The following DTL variants were observed in gnomAD, a reference collection of about 807,000 sequenced individuals.
The protein encoded by DTL is denticleless protein homolog.
DTL carries 46 observed loss-of-function variants against 87.0 expected under a neutral mutation model. That is an observed-to-expected ratio of 0.53 (90% confidence interval 0.42 to 0.68). The LOEUF (loss-of-function observed/expected upper bound fraction) is 0.68, where lower values mean the gene tolerates loss of function less well. Ranked by LOEUF, DTL falls within the 30% of genes least tolerant of loss-of-function variation. DTL has a pLI of 0.00. For missense variants in DTL, 737 were observed against 869.4 expected, an observed-to-expected ratio of 0.85 and a Z score of 1.91; for synonymous variants, 308 against 311.2, an observed-to-expected ratio of 0.99 and a Z score of 0.11.
At chr1:212,091,651 C>T (rs1211904917) in intron 13 of DTL, among the ~76,000 whole-genome samples, 1 of 152,082 alleles carries the variant, frequency 6.6e-6, no homozygotes, top group Non-Finnish European at 1.5e-5. Flanking sequence ...CAGGGATGAA[C>T]CTGAAAGACA....
chr1:212,096,000 G>A (rs950849726), intron 13 of DTL, among the ~76,000 whole-genome samples: 1 of 152,050 alleles, frequency 6.6e-6, no homozygotes, highest in Non-Finnish European at 1.5e-5. Flanking sequence ...ATCTGGTCCT[G>A]GACTTTTTCT....
intron 8 of DTL, among the ~76,000 whole-genome samples, chr1:212,067,433 G>C (rs1039347022): frequency 6.6e-6 from 1 of 152,142 alleles, no homozygotes; most frequent in African/African-American, 2.4e-5. Context: ...CTTGTTGATT[G>C]TGTTGTAGAA....
chr1:212,090,529 T>C (rs1482885284), intron 13 of DTL, among the ~76,000 whole-genome samples: 1 of 152,190 alleles, frequency 6.6e-6, no homozygotes, highest in East Asian at 1.9e-4. Context: ...ATTTCAGCAA[T>C]CTAGAAAGCT....
At chr1:212,069,692 C>G (rs902300427) in intron 10 of DTL, among the ~76,000 whole-genome samples, 2 of 151,814 alleles carry the variant, frequency 1.3e-5, no homozygotes, top group African/African-American at 4.8e-5. Context: ...ATTACAGGCG[C>G]CCGCCACCAT....
intron 13 of DTL, among the ~76,000 whole-genome samples, chr1:212,096,343 G>T (rs1655450631): frequency 8.4e-6 from 1 of 119,212 alleles, no homozygotes; most frequent in Non-Finnish European, 1.8e-5. Context: ...TTTATCTTTT[G>T]TATTTTGTTG....
intron 9 of DTL, 24 bp from the exon 10 acceptor site, chr1:212,068,575 C>A: frequency 6.8e-7 from 1 of 1,473,898 alleles, no homozygotes; most frequent in South Asian, 1.1e-5. Flanking sequence ...TCAGGACGTG[C>A]TAACTTAAGT....
intron 12 of DTL, 97 bp downstream of exon 12, chr1:212,078,359 T>G (rs140356595): frequency 2.2e-5 from 17 of 788,614 alleles, no homozygotes; most frequent in Middle Eastern, 2.5e-4. Flanking sequence ...ATTTTTATGT[T>G]TAAGTTGAGA....
At chr1:212,097,044 G>A (rs79191991) in intron 13 of DTL, among the ~76,000 whole-genome samples, 1,595 of 152,240 alleles carry the variant, frequency 0.01, 21 homozygotes, top group African/African-American at 0.036. Flanking sequence ...ATGCTGGCTT[G>A]GTAGTGGCAA....
intron 13 of DTL, among the ~76,000 whole-genome samples, chr1:212,095,112 A>G (rs1237414468): frequency 6.6e-6 from 1 of 152,106 alleles, no homozygotes; most frequent in Non-Finnish European, 1.5e-5. Context: ...GTGGCTGGCT[A>G]GGGCTTCCAC....
At chr1:212,064,855 A>G in intron 6 of DTL, 62 bp from the exon 7 acceptor site, 4 of 1,327,550 alleles carry the variant, frequency 3.0e-6, no homozygotes, top group Non-Finnish European at 4.3e-6. Flanking sequence ...AGTTTTATTT[A>G]CACATGTTAT....
chr1:212,036,480 A>G (rs1348279916), intron 1 of DTL, among the ~76,000 whole-genome samples: 3 of 152,188 alleles, frequency 2.0e-5, no homozygotes, highest in Non-Finnish European at 4.4e-5. Context: ...AATTTAAATT[A>G]TAGAGTGAAA....
chr1:212,100,973 C>G lies in DTL; in HGVS notation c.1983C>G (p.Asn661Lys). 1 of 1,614,138 alleles carries G rather than the reference C, an allele frequency of 6.2e-7. No homozygotes were observed. The highest frequency in any genetic ancestry group is 8.5e-7 in the Non-Finnish European group (1 of 1,180,012). The change falls in exon 14 of 15, where the codon AAC becomes AAG. Residue 661 changes from asparagine to lysine, a missense_variant. Physicochemically the swap from Asn to Lys is moderately conservative, Grantham distance 94. Transcript: ENST00000366991. ...AGAATAGTTCCCCAGAGAATAAAAA[C>G]TGGTTGTTGGCCATGGCAGCCAAAC... ...GKENSSPENK[N>K]WLLAMAAKRK... is the part of the protein sequence containing the mutation.
intron 13 of DTL, among the ~76,000 whole-genome samples, chr1:212,091,910 A>G (rs1305548251): frequency 2.0e-5 from 3 of 152,252 alleles, no homozygotes; most frequent in Non-Finnish European, 4.4e-5. Flanking sequence ...ACACAATAAA[A>G]ATAAATTTGC....
chr1:212,060,197 A>T (rs1668300603), intron 5 of DTL, among the ~76,000 whole-genome samples: 1 of 152,244 alleles, frequency 6.6e-6, no homozygotes, highest in Admixed American at 6.5e-5. Flanking sequence ...GGAGCCAAAA[A>T]GAACCCAAAT....
intron 6 of DTL, among the ~76,000 whole-genome samples, chr1:212,064,450 A>G (rs908279637): frequency 6.6e-6 from 1 of 152,214 alleles, no homozygotes; most frequent in Admixed American, 6.5e-5. Context: ...ACAAATGTGT[A>G]ATGACGTGCG....
chr1:212,052,882 GT>G (rs900199402), intron 5 of DTL, among the ~76,000 whole-genome samples: 3 of 151,884 alleles, frequency 2.0e-5, no homozygotes, highest in Non-Finnish European at 4.4e-5. Flanking sequence ...CGGTTTAGTG[GT>G]TTTTAGTTTA....
chr1:212,052,630 C>T (rs1456563168), intron 5 of DTL, among the ~76,000 whole-genome samples: 152 of 130,754 alleles, frequency 1.2e-3, no homozygotes, highest in Non-Finnish European at 2.2e-3. Flanking sequence ...GGCAACAGAG[C>T]GAGACTCTGC....
At chr1:212,061,498 C>CAA (rs150226369) in intron 5 of DTL, among the ~76,000 whole-genome samples, 8,427 of 143,710 alleles carry the variant, frequency 0.059, 257 homozygotes, top group Non-Finnish European at 0.066. Flanking sequence ...TAAGATTTCT[C>CAA]AAAAAAAAAA....
chr1:212,044,800 C>T lies in DTL; in HGVS notation c.277+42C>T, dbSNP rs762801362. 2.7e-6 allele frequency: 3 copies of T among 1,111,336 alleles called. No homozygotes were observed. The South Asian group carries it at 3.9e-5, about 14-fold the overall frequency. 68.8% of individuals were successfully genotyped at this position (1,111,336 alleles called of 1,614,324 possible). Reference sequence around the variant, plus strand: ...AATTTTTGTTTTAACATTTAAAAAACTTTACACATCCTCAAGTATATTATT... The same window carrying T: ...AATTTTTGTTTTAACATTTAAAAAATTTTACACATCCTCAAGTATATTATT... On this transcript the variant is annotated intron_variant, in intron 3 of 14. Coordinates refer to ENST00000366991, the MANE Select transcript of DTL (RefSeq NM_016448.4).
Sources: allele counts gnomAD v4.1 joint callset (sites outside exome capture counted in the v4.1 genomes callset), GRCh38; gene constraint gnomAD v4.1.1; transcripts MANE v1.5; gene names NCBI Gene and HGNC (gene_info 2026-07-23, HGNC 2026-07-21).